The following ABLIM1 variants were observed in gnomAD, a reference collection of about 807,000 sequenced individuals.
The protein encoded by ABLIM1 is actin-binding LIM protein 1.
In ABLIM1, 40 loss-of-function variants were observed where a neutral mutation model predicts 107.0. The observed-to-expected ratio is 0.37, with a 90% CI of 0.29 to 0.49. ABLIM1 has a LOEUF of 0.49. Among genes scored for constraint, ABLIM1 ranks in the 20% least tolerant of loss-of-function variants. ABLIM1 has a pLI of 0.97. For missense variants in ABLIM1, 857 were observed against 1,008.5 expected, an observed-to-expected ratio of 0.85 and a Z score of 2.04; for synonymous variants, 357 against 357.3, an observed-to-expected ratio of 1.00 and a Z score of 0.01.
At chr10:114,764,080 T>TCCCCAGGTATGGAAACTCTA (rs1349664112) in intron 1 of ABLIM1, among the ~76,000 whole-genome samples, 5 of 152,296 alleles carry the variant, frequency 3.3e-5, no homozygotes, top group African/African-American at 1.2e-4. Context: ...TAGACAATTC[T>TCCCCAGGTATGGAAACTCTA]CCCCAGGTAT....
chr10:114,785,826 T>G, the ABLIM1 span, among the ~76,000 whole-genome samples: 11 of 152,308 alleles, frequency 7.2e-5, no homozygotes, highest in East Asian at 1.7e-3. Flanking sequence ...CCTCTTGGGT[T>G]CAAGCCATTC....
chr10:114,710,962 A>C (rs1286602654), intron 1 of ABLIM1, among the ~76,000 whole-genome samples: 1 of 152,162 alleles, frequency 6.6e-6, no homozygotes, highest in African/African-American at 2.4e-5. Context: ...AAGACATCTG[A>C]TGGGTTCCAC....
chr10:114,620,505 G>A (rs555826652), intron 1 of ABLIM1, among the ~76,000 whole-genome samples: 2 of 152,240 alleles, frequency 1.3e-5, no homozygotes, highest in South Asian at 2.1e-4. Flanking sequence ...CACCTCCTGG[G>A]TTCAAGCGAT....
chr10:114,760,381 T>C (rs1371982116), intron 1 of ABLIM1, among the ~76,000 whole-genome samples: 1 of 150,844 alleles, frequency 6.6e-6, no homozygotes, highest in African/African-American at 2.4e-5. Context: ...TATTCCATTC[T>C]CAGCAAGAAG....
chr10:114,459,760 A>G (rs189403227), intron 12 of ABLIM1, among the ~76,000 whole-genome samples: 240 of 152,344 alleles, frequency 1.6e-3, no homozygotes, highest in African/African-American at 5.2e-3. Context: ...CGTCTAGTAA[A>G]AAGAAAAAGG....
At chr10:114,602,941 A>T (rs1317211638) in intron 1 of ABLIM1, among the ~76,000 whole-genome samples, 1 of 152,208 alleles carries the variant, frequency 6.6e-6, no homozygotes, top group East Asian at 1.9e-4. Context: ...AAGAGTCTTC[A>T]TTTAACTTGC....
At chr10:114,595,018 T>TTA (rs2139737374) in intron 2 of ABLIM1, 1 of 152,152 alleles carries the variant, frequency 6.6e-6, no homozygotes, top group African/African-American at 2.4e-5. Context: ...GTAGTTGATT[T>TTA]TATATATGGG....
At chr10:114,620,263 T>C (rs1012445566) in intron 1 of ABLIM1, among the ~76,000 whole-genome samples, 1 of 152,232 alleles carries the variant, frequency 6.6e-6, no homozygotes, top group Non-Finnish European at 1.5e-5. Context: ...GCCATTTATA[T>C]GCATGTGTAT....
At chr10:114,793,107 G>A in the ABLIM1 span, among the ~76,000 whole-genome samples, 4 of 152,132 alleles carry the variant, frequency 2.6e-5, no homozygotes, top group South Asian at 4.1e-4. Context: ...AGCCGAGATC[G>A]CGCCTCTGCC....
chr10:114,548,646 T>C (rs1290835438), intron 4 of ABLIM1, among the ~76,000 whole-genome samples: 4 of 152,248 alleles, frequency 2.6e-5, no homozygotes, highest in African/African-American at 9.6e-5. Context: ...GATTATCGAC[T>C]GCTTCATTCT....
At chr10:114,791,367 G>A in the ABLIM1 span, among the ~76,000 whole-genome samples, 12 of 151,750 alleles carry the variant, frequency 7.9e-5, no homozygotes, top group South Asian at 6.2e-4. Context: ...GGCAGGGCGC[G>A]GTGGCTCATG....
chr10:114,780,049 A>G, the ABLIM1 span: 3 of 152,158 alleles, frequency 2.0e-5, no homozygotes, highest in Admixed American at 2.0e-4. Context: ...ATAATAAAAT[A>G]AATAAAAGGG....
At chr10:114,515,495 T>G (rs938501122) in intron 6 of ABLIM1, among the ~76,000 whole-genome samples, 3 of 152,182 alleles carry the variant, frequency 2.0e-5, no homozygotes, top group Non-Finnish European at 4.4e-5. Flanking sequence ...CACACACAGA[T>G]AAGCAGACAG....
intron 6 of ABLIM1, among the ~76,000 whole-genome samples, chr10:114,498,473 C>G (rs551384521): frequency 6.6e-6 from 1 of 152,276 alleles, no homozygotes; most frequent in South Asian, 2.1e-4. Flanking sequence ...TTCTAGAACC[C>G]ATCCTTGGAC....
At chr10:114,786,277 A>G in the ABLIM1 span, among the ~76,000 whole-genome samples, 3 of 152,224 alleles carry the variant, frequency 2.0e-5, no homozygotes, top group Non-Finnish European at 4.4e-5. Flanking sequence ...TTACACAGCA[A>G]AAGTAGTCTG....
chr10:114,671,484 T>C (rs1470006664), intron 1 of ABLIM1, among the ~76,000 whole-genome samples: 1 of 152,224 alleles, frequency 6.6e-6, no homozygotes, highest in African/African-American at 2.4e-5. Context: ...GGATGTATCA[T>C]ACAGGTGTAT....
the ABLIM1 span, among the ~76,000 whole-genome samples, chr10:114,783,387 C>T: frequency 1.3e-5 from 2 of 152,100 alleles, no homozygotes; most frequent in Admixed American, 1.3e-4. Context: ...GAGATGTCTG[C>T]TGTAAGATAC....
chr10:114,776,566 C>T, the ABLIM1 span, among the ~76,000 whole-genome samples: 3 of 152,092 alleles, frequency 2.0e-5, no homozygotes, highest in Non-Finnish European at 4.4e-5. Flanking sequence ...TGAGCCTAGA[C>T]TGTGCCACTG....
chr10:114,766,745 C>T (rs74905163), intron 1 of ABLIM1, among the ~76,000 whole-genome samples: 1 of 152,130 alleles, frequency 6.6e-6, no homozygotes, highest in East Asian at 1.9e-4. Flanking sequence ...CTTAGGACAG[C>T]GGTCAGCACT....
Sources: allele counts gnomAD v4.1 joint callset (sites outside exome capture counted in the v4.1 genomes callset), GRCh38; gene constraint gnomAD v4.1.1; transcripts MANE v1.5; gene names NCBI Gene and HGNC (gene_info 2026-07-23, HGNC 2026-07-21).